Variants in TMEM108 observed in about 807,000 individuals in gnomAD.
The protein encoded by TMEM108 is transmembrane protein 108.
In TMEM108, 12 loss-of-function variants were observed where a neutral mutation model predicts 35.1. That is an observed-to-expected ratio of 0.34 (90% CI 0.22 to 0.55). The LOEUF is 0.55. TMEM108 is among the 20% of genes least tolerant of loss of function. The probability of loss-of-function intolerance (pLI) is 0.89; values close to 1 mark genes in which losing one functional copy is unlikely to be tolerated. For synonymous variants in TMEM108, 287 were observed against 308.6 expected, an observed-to-expected ratio of 0.93 and a Z score of 0.73; for missense variants, 680 against 753.3, an observed-to-expected ratio of 0.90 and a Z score of 1.14.
At chr3:133,050,068 T>G (rs1943385185) in intron 2 of TMEM108, among the ~76,000 whole-genome samples, 1 of 152,144 alleles carries the variant, frequency 6.6e-6, no homozygotes. Context: ...AAATTATAAT[T>G]AGAACAAATG....
intron 2 of TMEM108, among the ~76,000 whole-genome samples, chr3:133,140,675 A>G (rs1944628542): frequency 6.6e-6 from 1 of 152,210 alleles, no homozygotes; most frequent in Non-Finnish European, 1.5e-5. Context: ...CGTGATCTCA[A>G]AGTAGTCATT....
At chr3:133,275,507 G>A (rs1946826740) in intron 3 of TMEM108, among the ~76,000 whole-genome samples, 1 of 152,206 alleles carries the variant, frequency 6.6e-6, no homozygotes, top group East Asian at 1.9e-4. Context: ...TTGGCCACAT[G>A]TGGCTGATGG....
intron 3 of TMEM108, among the ~76,000 whole-genome samples, chr3:133,275,782 G>T (rs575248485): frequency 2.0e-5 from 3 of 152,256 alleles, no homozygotes; most frequent in South Asian, 4.1e-4. Context: ...GCTTTATATA[G>T]GTTGGGTATT....
At chr3:133,217,047 A>G (rs1323261091) in intron 2 of TMEM108, among the ~76,000 whole-genome samples, 2 of 152,102 alleles carry the variant, frequency 1.3e-5, no homozygotes, top group Middle Eastern at 3.2e-3. Context: ...CTTCCGATCA[A>G]CAGTGTGCAA....
At chr3:133,213,758 C>G (rs1945866620) in intron 2 of TMEM108, among the ~76,000 whole-genome samples, 1 of 152,102 alleles carries the variant, frequency 6.6e-6, no homozygotes, top group Non-Finnish European at 1.5e-5. Flanking sequence ...TCCCTTTTGC[C>G]ACATTGTTTT....
intron 2 of TMEM108, among the ~76,000 whole-genome samples, chr3:133,168,811 G>A (rs1945084022): frequency 6.6e-6 from 1 of 152,128 alleles, no homozygotes; most frequent in African/African-American, 2.4e-5. Context: ...GCCTTTATGA[G>A]CTGTAAGACT....
intron 2 of TMEM108, among the ~76,000 whole-genome samples, chr3:133,135,970 AG>A (rs1944559734): frequency 6.6e-6 from 1 of 152,146 alleles, no homozygotes; most frequent in East Asian, 1.9e-4. Flanking sequence ...TTGAGATGTT[AG>A]GGGGGATATC....
intron 2 of TMEM108, among the ~76,000 whole-genome samples, chr3:133,072,404 C>G (rs1943687099): frequency 6.6e-6 from 1 of 151,804 alleles, no homozygotes; most frequent in Non-Finnish European, 1.5e-5. Flanking sequence ...CAGGATTTAG[C>G]CAAAAGTGCT....
chr3:133,104,075 G>A (rs928272512), intron 2 of TMEM108, among the ~76,000 whole-genome samples: 1 of 152,096 alleles, frequency 6.6e-6, no homozygotes, highest in African/African-American at 2.4e-5. Flanking sequence ...AAGAATTCAA[G>A]GAGAAAGTAC....
At chr3:133,158,052 T>G (rs967967524) in intron 2 of TMEM108, among the ~76,000 whole-genome samples, 2 of 152,254 alleles carry the variant, frequency 1.3e-5, no homozygotes, top group East Asian at 3.9e-4. Flanking sequence ...TTTAAGCCTC[T>G]TAACAATCCT....
intron 3 of TMEM108, among the ~76,000 whole-genome samples, chr3:133,308,407 A>G (rs2071075343): frequency 6.6e-6 from 1 of 152,054 alleles, no homozygotes; most frequent in African/African-American, 2.4e-5. Context: ...GTTGAATAGG[A>G]GTGGTGAGAG....
chr3:133,390,032 G>A (rs569407422), intron 4 of TMEM108, 148 bp from the exon 5 acceptor site: 1 of 904,242 alleles, frequency 1.1e-6, no homozygotes, highest in Non-Finnish European at 1.7e-6. Flanking sequence ...GTGGAATTAA[G>A]GCTCACTTTG....
intron 3 of TMEM108, among the ~76,000 whole-genome samples, chr3:133,314,503 A>C (rs2071172535): frequency 6.6e-6 from 1 of 152,206 alleles, no homozygotes; most frequent in African/African-American, 2.4e-5. Flanking sequence ...ATGCTTTGGG[A>C]AAGAATGGTT....
intron 2 of TMEM108, among the ~76,000 whole-genome samples, chr3:133,130,969 A>G (rs1413024883): frequency 6.6e-6 from 1 of 152,226 alleles, no homozygotes; most frequent in Non-Finnish European, 1.5e-5. Context: ...ATGAAATACC[A>G]ATGGATTAGG....
intron 2 of TMEM108, among the ~76,000 whole-genome samples, chr3:133,206,410 G>A (rs1945754929): frequency 1.3e-5 from 2 of 152,128 alleles, no homozygotes; most frequent in Non-Finnish European, 2.9e-5. Flanking sequence ...AGCCTTTTTG[G>A]GCAGGTTTTT....
intron 3 of TMEM108, among the ~76,000 whole-genome samples, chr3:133,377,994 AC>A (rs11319282): frequency 0.44 from 66,713 of 150,520 alleles, 14,833 homozygotes; most frequent in African/African-American, 0.5. Context: ...CCAAAACCAT[AC>A]CCCCCCCGAC....
At chr3:133,236,825 A>G (rs565877119) in intron 3 of TMEM108, among the ~76,000 whole-genome samples, 1 of 152,004 alleles carries the variant, frequency 6.6e-6, no homozygotes, top group African/African-American at 2.4e-5. Flanking sequence ...TTTGTCCCAT[A>G]TTAGACCCAA....
At chr3:133,063,468 G>T (rs375588034) in intron 2 of TMEM108, among the ~76,000 whole-genome samples, 11 of 152,256 alleles carry the variant, frequency 7.2e-5, no homozygotes, top group East Asian at 5.8e-4. Flanking sequence ...CACCACATAG[G>T]GGGGCTAGAG....
intron 2 of TMEM108, among the ~76,000 whole-genome samples, chr3:133,218,277 A>G (rs1265774203): frequency 6.6e-6 from 1 of 151,810 alleles, no homozygotes; most frequent in Non-Finnish European, 1.5e-5. Context: ...ACTTTACTGG[A>G]TTTGTCAGTT....
Sources: gnomAD v4.1 joint callset for allele counts (sites outside exome capture counted in the v4.1 genomes callset) on GRCh38, gnomAD v4.1.1 for gene constraint, MANE v1.5 for transcripts, NCBI Gene and HGNC (gene_info 2026-07-23, HGNC 2026-07-21) for gene names.